Variants in PFKM observed in about 807,000 individuals in gnomAD.
PFKM encodes phosphofructokinase, muscle.
Under a neutral mutation model 95.5 loss-of-function variants are expected in PFKM, and 58 were observed. The observed-to-expected ratio is 0.61, with a 90% confidence interval of 0.49 to 0.76. The LOEUF (loss-of-function observed/expected upper bound fraction) is 0.76. Ranked by LOEUF, PFKM falls within the 30% of genes least tolerant of loss-of-function variation. The pLI, the probability that PFKM is intolerant of heterozygous loss-of-function variation, is 0.00. For missense variants in PFKM, 678 were observed against 1,005.4 expected (o/e 0.67, Z 4.40); for synonymous variants, 336 against 357.2 (o/e 0.94, Z 0.67).
At position 48,128,779 on chromosome 12, in the gene PFKM, C is replaced by T. The variant is rs761430310; in HGVS notation, c.86-1584C>T. Among the ~76,000 whole-genome samples the T allele has an allele frequency of 4.6e-5, 7 of 152,110 alleles. No individual in the cohort carries two copies. The South Asian group carries it at 1.2e-3, about 27-fold the overall frequency. ...TAGTGCTTGTTGGTATATTACATTTCTCCAGGCAGGGTTAAGGACAACATG... is the reference window on the plus strand; with the variant it reads ...TAGTGCTTGTTGGTATATTACATTTTTCCAGGCAGGGTTAAGGACAACATG... On this transcript the variant is annotated intron_variant, in intron 2 of 22. Transcript: ENST00000359794.
chr12:48,118,608 C>T (rs1327909672), upstream of PFKM: 2 of 1,151,642 alleles, frequency 1.7e-6, no homozygotes, highest in Admixed American at 2.0e-5. Context: ...GCACCTCTTG[C>T]TCTGGGAGCA....
intron 5 of PFKM, 93 bp downstream of exon 5, chr12:48,133,150 A>C: frequency 7.3e-7 from 1 of 1,368,892 alleles, no homozygotes; most frequent in Non-Finnish European, 1.0e-6. Flanking sequence ...TTTACCTCCC[A>C]TTGGAGAAAA....
At chr12:48,106,768 A>G (rs1320629490) in intron 1 of PFKM, among the ~76,000 whole-genome samples, 6 of 152,184 alleles carry the variant, frequency 3.9e-5, no homozygotes, top group Non-Finnish European at 4.4e-5. Context: ...CAAGATGTAG[A>G]ACCTTCCAGA....
chr12:48,115,431 G>C (rs1947587683), upstream of PFKM, among the ~76,000 whole-genome samples: 1 of 152,214 alleles, frequency 6.6e-6, no homozygotes, highest in Non-Finnish European at 1.5e-5. Flanking sequence ...TTTGAGGGAA[G>C]GGGGTGGATC....
rs2137497109 is a variant in PFKM, at chr12:48,107,319, T to C, written c.-9-46T>C. On this transcript the variant is annotated intron_variant, in intron 1 of 24. Transcript: ENST00000340802. The stretch of plus-strand genomic sequence containing the variant: ...GTCCATGTCAGTCACTGACATCTTA[T>C]TTCACAGCTCTGTTCGTTTGGATTA... 9.5e-6 allele frequency: 12 copies of C among 1,260,076 alleles called. No homozygotes were observed. In the South Asian group the frequency reaches 1.4e-4, roughly 15 times the overall value. 78.1% of individuals were successfully genotyped at this position (1,260,076 alleles called of 1,614,324 possible).
At chr12:48,125,477 T>C (rs1325490442) in intron 2 of PFKM, 1 of 349,682 alleles carries the variant, frequency 2.9e-6, no homozygotes, top group Non-Finnish European at 5.6e-6. Context: ...CAAAATTAGC[T>C]GGGCGTGGTG....
In PFKM at chr12:48,144,031, G is replaced by A. The variant is rs1950808613; in HGVS notation, c.1881-15G>A. 2 of 1,573,358 alleles carry A rather than the reference G, an allele frequency of 1.3e-6. No individual in the cohort carries two copies. The highest frequency in any genetic ancestry group is 1.7e-6 in the Non-Finnish European group (2 of 1,142,940). ...CCAACCACAGAGTCACAGGCTTTTG[G>A]TCTCCACCTGGCAGGAATGAAAAGT... On this transcript the variant is annotated splice_polypyrimidine_tract_variant and intron_variant, in intron 19 of 22. Coordinates refer to ENST00000359794, the MANE Select transcript of PFKM (RefSeq NM_000289.6).
chr12:48,134,583 C>T (rs1013043257), intron 7 of PFKM, 138 bp from the exon 8 acceptor site: 3 of 766,422 alleles, frequency 3.9e-6, no homozygotes, highest in Non-Finnish European at 6.8e-6. Flanking sequence ...CCCCGGTGCT[C>T]TTACCCTTGC....
intron 13 of PFKM, 143 bp from the exon 14 acceptor site, chr12:48,140,579 A>T: frequency 1.2e-6 from 1 of 831,156 alleles, no homozygotes; most frequent in Non-Finnish European, 2.1e-6. Context: ...TCCTTGGGAG[A>T]GGGGTGTGTG....
upstream of PFKM, chr12:48,105,864 G>A (rs1946518945): frequency 5.0e-6 from 3 of 605,730 alleles, no homozygotes; most frequent in Non-Finnish European, 5.9e-6. Context: ...GCAGGGGGGA[G>A]GGGAGGTGGT....
At position 48,134,826 on chromosome 12, in the gene PFKM, C is replaced by T. The variant is rs747669911; in HGVS notation, c.744C>T (p.Ser248=). 3.7e-6 allele frequency: 6 copies of T among 1,611,596 alleles called. No individual in the cohort carries two copies. Among genetic ancestry groups the T allele is most frequent in the South Asian group, 2.2e-5 (2 of 91,034 alleles). The change falls in exon 8 of 23, where the codon AGC becomes AGT. Residue 248 remains serine, a synonymous_variant. Transcript: ENST00000359794. ...DWEEHLCRRL[S]ETRTRGSRLN... ...AGGAACACCTTTGTCGCCGACTCAG[C>T]GAGGTACTTGCACTTTATTTTGCCC...
chr12:48,107,878 A>G (rs763959263), intron 2 of PFKM, among the ~76,000 whole-genome samples: 9 of 152,128 alleles, frequency 5.9e-5, no homozygotes, highest in Non-Finnish European at 1.2e-4. Flanking sequence ...GTATCTAGTT[A>G]TATGTTCTGC....
In PFKM at chr12:48,140,768, C is replaced by G. The variant is rs917109578; in HGVS notation, c.1238C>G (p.Ala413Gly). 1 of 1,614,200 alleles carries G rather than the reference C, an allele frequency of 6.2e-7. No individual in the cohort carries two copies. The highest frequency in any genetic ancestry group is 8.5e-7 in the Non-Finnish European group (1 of 1,180,020). Residue 413 changes from alanine to glycine, a missense_variant, in exon 14 of 23, where the codon GCA (alanine) becomes GGA (glycine). Ala to Gly is a moderately conservative substitution (Grantham distance 60). Coordinates refer to ENST00000359794, the MANE Select transcript of PFKM (RefSeq NM_000289.6). Reference sequence around the variant, plus strand: ...GTGATGAACGTGGGGGCTCCGGCTGCAGGCATGAATGCTGCTGTTCGCTCC... The same window carrying G: ...GTGATGAACGTGGGGGCTCCGGCTGGAGGCATGAATGCTGCTGTTCGCTCC... ...VAVMNVGAPA[A>G]GMNAAVRSTV...
intron 1 of PFKM, chr12:48,119,913 A>G (rs1226237112): frequency 6.6e-6 from 1 of 152,178 alleles, no homozygotes; most frequent in African/African-American, 2.4e-5. Flanking sequence ...GGAGAAGAAT[A>G]TGAGCGGTTT....
At chr12:48,112,586 A>G (rs1030860767) in intron 3 of PFKM, among the ~76,000 whole-genome samples, 3 of 152,164 alleles carry the variant, frequency 2.0e-5, no homozygotes, top group Non-Finnish European at 4.4e-5. Context: ...GGTGCAAAGG[A>G]ATAGTAAAGA....
chr12:48,129,976 T>A (rs1427356910), intron 2 of PFKM, among the ~76,000 whole-genome samples: 20 of 152,180 alleles, frequency 1.3e-4, no homozygotes, highest in Admixed American at 1.3e-3. Flanking sequence ...TGGAGACAAT[T>A]CCAGGATTGT....
chr12:48,128,259 GTCTCTC>G (rs112898503), intron 2 of PFKM, among the ~76,000 whole-genome samples: 2 of 149,884 alleles, frequency 1.3e-5, no homozygotes, highest in Non-Finnish European at 3.0e-5. Context: ...ACTGTACTTT[GTCTCTC>G]TCTCTCTCTC....
chr12:48,144,186 C>T (rs750804499), intron 20 of PFKM, 29 bp downstream of exon 20: 1 of 1,427,808 alleles, frequency 7.0e-7, no homozygotes, highest in African/African-American at 1.4e-5. Context: ...TCATGCCCTT[C>T]ATCAGACAGC....
intron 13 of PFKM, among the ~76,000 whole-genome samples, chr12:48,140,260 A>T (rs373720219): frequency 6.6e-6 from 1 of 152,194 alleles, no homozygotes; most frequent in African/African-American, 2.4e-5. Flanking sequence ...CTTCCACTGG[A>T]GTAGTGGTTC....
Sources: allele counts gnomAD v4.1 joint callset (sites outside exome capture counted in the v4.1 genomes callset), GRCh38; gene constraint gnomAD v4.1.1; transcripts MANE v1.5; gene names NCBI Gene and HGNC (gene_info 2026-07-23, HGNC 2026-07-21).